Variants in LINC00237 observed in about 807,000 individuals in gnomAD.
LINC00237 encodes the protein long intergenic non-protein coding RNA 237.
In LINC00237 at chr20:21,105,708, C is replaced by A. The variant is rs188646733; in HGVS notation, n.88+563G>T. Among the ~76,000 whole-genome samples, 1,511 of 152,298 alleles carry A rather than the reference C, an allele frequency of 9.9e-3. 22 individuals carry two copies. The highest frequency in any genetic ancestry group is 0.035 in the African/African-American group (1,435 of 41,576). ...CTCAGTTTAGATCGGGTTTTCGCGCCTCCCCTAGGAATCCGGCTGGAAACC... is the reference window on the plus strand; with the variant it reads ...CTCAGTTTAGATCGGGTTTTCGCGCATCCCCTAGGAATCCGGCTGGAAACC... On this transcript the variant is annotated intron_variant and non_coding_transcript_variant, in intron 1 of 3. Coordinates refer to ENST00000691244, the Ensembl canonical transcript of LINC00237.
intron 1 of LINC00237, among the ~76,000 whole-genome samples, chr20:21,105,743 CTG>C (rs1369628117): frequency 1.3e-5 from 2 of 152,228 alleles, no homozygotes; most frequent in Admixed American, 6.5e-5. Context: ...CCCGGAGACT[CTG>C]CGCCTAGAGT....
At chr20:21,087,238 A>C (rs1033505423) in intron 3 of LINC00237, among the ~76,000 whole-genome samples, 1 of 151,972 alleles carries the variant, frequency 6.6e-6, no homozygotes, top group Non-Finnish European at 1.5e-5. Flanking sequence ...GTTTTCGCTT[A>C]ACAGGATCTT....
At chr20:21,103,225 C>G (rs1462707522) in intron 1 of LINC00237, among the ~76,000 whole-genome samples, 1 of 152,268 alleles carries the variant, frequency 6.6e-6, no homozygotes, top group African/African-American at 2.4e-5. Context: ...CCCATCTTTC[C>G]CTGCTCAACA....
intron 2 of LINC00237, among the ~76,000 whole-genome samples, chr20:21,092,313 CT>C (rs1216553029): frequency 2.0e-5 from 3 of 152,186 alleles, no homozygotes; most frequent in African/African-American, 4.8e-5. Flanking sequence ...ACATTCGTAT[CT>C]GACGATCAAG....
intron 1 of LINC00237, among the ~76,000 whole-genome samples, chr20:21,094,408 A>T (rs994706428): frequency 6.6e-6 from 1 of 152,202 alleles, no homozygotes; most frequent in African/African-American, 2.4e-5. Context: ...AAAAAGTGTC[A>T]CAAGACAGTA....
At chr20:21,099,652 C>G (rs1050555811) in intron 1 of LINC00237, among the ~76,000 whole-genome samples, 1 of 152,078 alleles carries the variant, frequency 6.6e-6, no homozygotes, top group African/African-American at 2.4e-5. Flanking sequence ...ATGACCCAGG[C>G]GCCCTTCTTT....
intron 2 of LINC00237, chr20:21,093,237 TTTGA>T (rs2030814721): frequency 6.6e-6 from 1 of 152,224 alleles, no homozygotes; most frequent in South Asian, 2.1e-4. Flanking sequence ...TATAGAAGCC[TTTGA>T]TTGATAGACT....
intron 1 of LINC00237, among the ~76,000 whole-genome samples, chr20:21,106,004 C>T (rs1007267727): frequency 3.9e-5 from 6 of 152,162 alleles, no homozygotes; most frequent in African/African-American, 7.2e-5. Flanking sequence ...CTCAGAGGGG[C>T]GCCCCTTCCC....
intron 1 of LINC00237, among the ~76,000 whole-genome samples, chr20:21,099,760 A>T (rs1212707389): frequency 6.6e-6 from 1 of 152,214 alleles, no homozygotes; most frequent in Non-Finnish European, 1.5e-5. Flanking sequence ...GACATTTGTC[A>T]GGGCGGGTGC....
chr20:21,092,246 TATTGCACG>T (rs1392062606), intron 2 of LINC00237, among the ~76,000 whole-genome samples: 7 of 152,172 alleles, frequency 4.6e-5, no homozygotes, highest in African/African-American at 7.2e-5. Flanking sequence ...CGGGGGGTAC[TATTGCACG>T]AGAAGCTTGA....
At chr20:21,105,988 G>C (rs2030994520) in intron 1 of LINC00237, among the ~76,000 whole-genome samples, 1 of 152,196 alleles carries the variant, frequency 6.6e-6, no homozygotes, top group African/African-American at 2.4e-5. Flanking sequence ...GGGATCCAGA[G>C]AGAGACTCAG....
At chr20:21,100,003 T>C (rs2030908559) in intron 1 of LINC00237, among the ~76,000 whole-genome samples, 1 of 152,228 alleles carries the variant, frequency 6.6e-6, no homozygotes, top group Non-Finnish European at 1.5e-5. Context: ...TTTACTGCTC[T>C]TAATTCTTAT....
intron 1 of LINC00237, among the ~76,000 whole-genome samples, chr20:21,094,721 C>T (rs74526316): frequency 1.6e-3 from 242 of 152,264 alleles, no homozygotes; most frequent in Non-Finnish European, 2.9e-3. Context: ...CTACTGCATG[C>T]CAGCCTGGGC....
chr20:21,088,086 G>A lies in LINC00237; in HGVS notation n.473-56C>T, dbSNP rs1256559908. ...TGTTACCAATGCATTACAGCTGCAAGTTGAGGGTGGAGCTGTTTCCCAAAA... is the reference window on the plus strand; with the variant it reads ...TGTTACCAATGCATTACAGCTGCAAATTGAGGGTGGAGCTGTTTCCCAAAA... On this transcript the variant is annotated intron_variant and non_coding_transcript_variant, in intron 2 of 3. Coordinates refer to ENST00000691244, the Ensembl canonical transcript of LINC00237. 3.3e-5 allele frequency: 5 copies of A among 152,214 alleles called. No homozygotes were observed. The East Asian group carries it at 7.7e-4, about 23-fold the overall frequency. 9.4% of individuals were successfully genotyped at this position (152,214 alleles called of 1,614,324 possible). A position where few individuals can be genotyped will look rare whatever the true frequency, so the allele number is the denominator to read the frequency against.
intron 1 of LINC00237, among the ~76,000 whole-genome samples, chr20:21,105,278 C>T (rs2030984375): frequency 6.6e-6 from 1 of 151,976 alleles, no homozygotes; most frequent in Admixed American, 6.6e-5. Context: ...AACAACCCCC[C>T]CGTCCCCCGC....
At chr20:21,091,937 A>AT (rs1035447215) in intron 2 of LINC00237, among the ~76,000 whole-genome samples, 7 of 151,758 alleles carry the variant, frequency 4.6e-5, no homozygotes, top group African/African-American at 1.2e-4. Context: ...TTTTCCAGGT[A>AT]TTTTTTTTCT....
chr20:21,089,994 A>G (rs2030770616), intron 2 of LINC00237: 1 of 152,226 alleles, frequency 6.6e-6, no homozygotes, highest in Non-Finnish European at 1.5e-5. Flanking sequence ...GTGCAGCTTC[A>G]GTGTGTTTTT....
chr20:21,089,631 A>C (rs1485019900), intron 2 of LINC00237: 1 of 152,190 alleles, frequency 6.6e-6, no homozygotes, highest in Non-Finnish European at 1.5e-5. Flanking sequence ...CTTAAAACGC[A>C]AAAGCCTATG....
At chr20:21,094,019 G>A (rs562322801) in intron 1 of LINC00237, among the ~76,000 whole-genome samples, 11 of 152,218 alleles carry the variant, frequency 7.2e-5, no homozygotes, top group Non-Finnish European at 1.2e-4. Flanking sequence ...GATGGGGATG[G>A]AGGAGAGGTG....
Sources: gnomAD v4.1 joint callset for allele counts (sites outside exome capture counted in the v4.1 genomes callset) on GRCh38, gnomAD v4.1.1 for gene constraint, MANE v1.5 for transcripts, NCBI Gene and HGNC (gene_info 2026-07-23, HGNC 2026-07-21) for gene names.